The following DST variants were observed in gnomAD, a reference collection of about 807,000 sequenced individuals.
DST encodes the protein dystonin, also known as bullous pemphigoid antigen.
Under a neutral mutation model 875.2 loss-of-function variants are expected in DST, and 253 were observed. The observed-to-expected ratio is 0.29, with a 90% CI of 0.26 to 0.32. The LOEUF (loss-of-function observed/expected upper bound fraction) is 0.32. DST is among the 10% of genes least tolerant of loss of function. The probability of loss-of-function intolerance (pLI) is 1.00; values close to 1 mark genes in which losing one functional copy is unlikely to be tolerated. For missense variants in DST, 8,287 were observed against 9,111.6 expected, an observed-to-expected ratio of 0.91 and a Z score of 3.68; for synonymous variants, 3,124 against 3,197.1, an observed-to-expected ratio of 0.98 and a Z score of 0.77.
rs149967316 is a variant in DST, at chr6:56,799,903, G to A, written c.625+51494C>T. Reference sequence around the variant, plus strand: ...GCCTCCCAACATGCTGGGATTACAGGCATGAGCCACCACGTCCAGCCAATA... The same window carrying A: ...GCCTCCCAACATGCTGGGATTACAGACATGAGCCACCACGTCCAGCCAATA... On this transcript the variant is annotated intron_variant, in intron 4 of 103. Transcript: ENST00000680361. 3.4e-3 allele frequency among the ~76,000 whole-genome samples: 520 copies of A among 152,156 alleles called. 3 individuals are homozygous for A. The highest frequency in any genetic ancestry group is 0.012 in the African/African-American group (505 of 41,512).
chr6:56,532,639 G>T, intron 63 of DST, 129 bp from the exon 64 acceptor site: 3 of 853,150 alleles, frequency 3.5e-6, no homozygotes, highest in Non-Finnish European at 5.2e-6. Context: ...GAAAGGATCT[G>T]AAAAGCGAGA....
intron 12 of DST, among the ~76,000 whole-genome samples, chr6:56,649,710 A>T (rs1454315120): frequency 6.6e-6 from 1 of 152,246 alleles, no homozygotes; most frequent in Non-Finnish European, 1.5e-5. Context: ...CATGTAGGTA[A>T]ACAGAATAAA....
intron 4 of DST, among the ~76,000 whole-genome samples, chr6:56,844,447 G>C (rs1400665556): frequency 1.3e-5 from 2 of 152,160 alleles, no homozygotes; most frequent in Non-Finnish European, 2.9e-5. Flanking sequence ...CATAGTACTA[G>C]TATCCATTAA....
Position 56,934,819 on chromosome 6 carries a change from T to C in DST, c.216+18966A>G, listed in dbSNP as rs566250999. ...AAAACACAAAATAATTTTAATATTA[T>C]TCTTAAAAAAAATTAGGAAGCTATA... On this transcript the variant is annotated intron_variant, in intron 2 of 103. Coordinates refer to ENST00000680361, the MANE Select transcript of DST (RefSeq NM_001374736.1). Among the ~76,000 whole-genome samples the C allele has an allele frequency of 2.9e-4, 44 of 151,608 alleles. 2 individuals are homozygous for C. The East Asian group carries it at 7.3e-3, about 25-fold the overall frequency.
At chr6:56,564,277 G>A (rs992721748) in intron 55 of DST, among the ~76,000 whole-genome samples, 3 of 152,104 alleles carry the variant, frequency 2.0e-5, no homozygotes, top group African/African-American at 7.2e-5. Context: ...AGTTCTCCTT[G>A]AAGAGGTCCT....
In DST at chr6:56,482,707, T is replaced by C. The variant is rs1410675671; in HGVS notation, c.21378A>G (p.Thr7126=). ...TVCALSISKQ[T]RLEAALRQAE... Reference sequence around the variant, plus strand: ...CCTGACGCAGGGCTGCTTCTAACCGTGTTTGCTTTGATATAGAAAGTGCAC... The same window carrying C: ...CCTGACGCAGGGCTGCTTCTAACCGCGTTTGCTTTGATATAGAAAGTGCAC... Residue 7126 remains threonine (T), a synonymous_variant, in exon 89 of 104, where the codon ACA becomes ACG. Coordinates refer to ENST00000680361, the MANE Select transcript of DST (RefSeq NM_001374736.1). The C allele has an allele frequency of 1.7e-5, 28 of 1,613,824 alleles. No individual in the cohort carries two copies. The highest frequency in any genetic ancestry group is 2.4e-5 in the Non-Finnish European group (28 of 1,179,772).
intron 61 of DST, 24 bp from the exon 62 acceptor site, chr6:56,536,964 AT>A: frequency 6.2e-7 from 1 of 1,603,618 alleles, no homozygotes; most frequent in Non-Finnish European, 8.5e-7. Context: ...AGTAATAATT[AT>A]ATGAGTTATA....
Position 56,489,531 on chromosome 6 carries a change from T to A in DST, c.20836A>T (p.Asn6946Tyr), listed in dbSNP as rs910349740. Residue 6946 changes from asparagine to tyrosine, a missense_variant, in exon 86 of 104, where the codon AAT (asparagine) becomes TAT (tyrosine). By Grantham distance (143) the Asn-to-Tyr change is moderately radical (BLOSUM62 -2). Transcript: ENST00000680361. ...TGTGTTTTTATTTTGTCTGGATCAT[T>A]TGCGATTTCCAGTTCAGAATCCAAA... ...KSLDSELEIANDPDKIKTQLA... is the reference protein window; with the variant it reads ...KSLDSELEIAYDPDKIKTQLA... 15 of 1,613,066 alleles carry A rather than the reference T, an allele frequency of 9.3e-6. No homozygotes were observed. The highest frequency in any genetic ancestry group is 1.3e-5 in the African/African-American group (1 of 75,018).
chr6:56,598,003 C>A lies in DST; in HGVS notation c.11932G>T (p.Ala3978Ser). The A allele has an allele frequency of 1.3e-6, 2 of 1,584,010 alleles. No homozygotes were observed. Residue 3978 changes from alanine (A) to serine (S), a missense_variant, in exon 47 of 104, where the codon GCA becomes TCA. Transcript: ENST00000680361. ...TAIKEETEKVAAVKQLEESKT... is the reference protein window; with the variant it reads ...TAIKEETEKVSAVKQLEESKT... ...CTCTCTTCCAGCTGCTTCACTGCTG[C>A]TACCTGGGAAGGGAAAGTTCACAGG... is the stretch of plus-strand genomic sequence containing the variant.
intron 36 of DST, chr6:56,615,145 C>G: frequency 9.3e-7 from 1 of 1,078,650 alleles, no homozygotes; most frequent in East Asian, 7.4e-5. Flanking sequence ...CGTGCTCTTT[C>G]AGCGAGTGCA....
At chr6:56,892,611 C>T (rs1475197971) in intron 3 of DST, among the ~76,000 whole-genome samples, 1 of 152,164 alleles carries the variant, frequency 6.6e-6, no homozygotes. Flanking sequence ...CAGGTGTGAG[C>T]CGCCACGCCC....
At chr6:56,839,585 T>C (rs950783528) in intron 4 of DST, among the ~76,000 whole-genome samples, 1 of 152,182 alleles carries the variant, frequency 6.6e-6, no homozygotes, top group Non-Finnish European at 1.5e-5. Context: ...ACCACTGAGC[T>C]AGATCATTAC....
intron 2 of DST, among the ~76,000 whole-genome samples, chr6:56,947,313 C>G (rs1049398203): frequency 6.7e-6 from 1 of 149,128 alleles, no homozygotes. Flanking sequence ...TGCAGTGGCA[C>G]GATCTTGGCT....
intron 3 of DST, among the ~76,000 whole-genome samples, chr6:56,897,306 G>A (rs374338079): frequency 1.0e-5 from 1 of 95,448 alleles, no homozygotes; most frequent in Non-Finnish European, 2.5e-5. Context: ...GTTTTTTTTT[G>A]GGGGGGGGGT....
chr6:56,803,487 G>A (rs940772928), intron 4 of DST, among the ~76,000 whole-genome samples: 5 of 152,104 alleles, frequency 3.3e-5, no homozygotes, highest in Admixed American at 1.3e-4. Flanking sequence ...GTGAGTACAA[G>A]CATCTTCCAT....
intron 23 of DST, 139 bp downstream of exon 23, chr6:56,636,418 A>T: frequency 1.5e-6 from 1 of 681,598 alleles, no homozygotes; most frequent in Admixed American, 2.1e-5. Context: ...ATATACACAC[A>T]TATATGTGTA....
chr6:56,639,348 G>A lies in DST; in HGVS notation c.2875C>T (p.Leu959Phe), dbSNP rs2098860762. 1 of 1,613,262 alleles carries A rather than the reference G, an allele frequency of 6.2e-7. No homozygotes were observed. The highest frequency in any genetic ancestry group is 8.5e-7 in the Non-Finnish European group (1 of 1,179,684). ...KDYHAELMRELDQKEENIKSV... is the reference protein window; with the variant it reads ...KDYHAELMREFDQKEENIKSV... ...TTAATATTTTCTTCCTTTTGATCAA[G>A]TTCTCTCATTAATTCCTTCAAGAAA... is the stretch of plus-strand genomic sequence containing the variant. Residue 959 changes from leucine to phenylalanine, a missense_variant, in exon 22 of 104, where the codon CTT becomes TTT. Around this residue, in one of 10 missense-constraint regions of DST, gnomAD observed 1,160 missense variants for 1,424.3 expected, o/e 0.81. Coordinates refer to ENST00000680361, the MANE Select transcript of DST (RefSeq NM_001374736.1).
At chr6:56,890,693 A>G (rs1786965979) in intron 3 of DST, among the ~76,000 whole-genome samples, 1 of 152,236 alleles carries the variant, frequency 6.6e-6, no homozygotes. Context: ...ACAGCTAAGG[A>G]TGCTAAAGTA....
At chr6:56,474,810 A>C (rs1262716587) in intron 92 of DST, among the ~76,000 whole-genome samples, 1 of 151,820 alleles carries the variant, frequency 6.6e-6, no homozygotes. Context: ...AAAAAATTCA[A>C]AAATTAGGCC....
Sources: gnomAD v4.1 joint callset for allele counts (sites outside exome capture counted in the v4.1 genomes callset) on GRCh38, gnomAD v4.1.1 for gene constraint, gnomAD v4.1.1 regional missense constraint, MANE v1.5 for transcripts, NCBI Gene and HGNC (gene_info 2026-07-23, HGNC 2026-07-21) for gene names.